Variants in KCNV1 observed in about 807,000 individuals in gnomAD.
The protein encoded by KCNV1 is potassium voltage-gated channel modifier subfamily V member 1.
A neutral mutation model predicts 36.4 loss-of-function variants in KCNV1; 2 were observed. That is an observed-to-expected ratio of 0.05 (90% CI 0.02 to 0.17). KCNV1 has a LOEUF of 0.17. Ranked by LOEUF, KCNV1 falls within the 10% of genes least tolerant of loss-of-function variation. The pLI, the probability that KCNV1 is intolerant of heterozygous loss-of-function variation, is 1.00. For synonymous variants in KCNV1, 280 were observed against 261.1 expected, an observed-to-expected ratio of 1.07 and a Z score of -0.70; for missense variants, 321 against 643.6, an observed-to-expected ratio of 0.50 and a Z score of 5.42.
Position 109,968,632 on chromosome 8 carries a change from A to G in KCNV1, c.992-33T>C, listed in dbSNP as rs1193386192. 1 of 1,551,050 alleles carries G rather than the reference A, an allele frequency of 6.4e-7. No individual in the cohort carries two copies. Among genetic ancestry groups the G allele is most frequent in the African/African-American group, 1.4e-5 (1 of 73,520 alleles). ...AGAACAAATGCTGTCAGTCATTGGC[A>G]TCCCTCTTCTCTCTCTTCCTTCCCT... On this transcript the variant is annotated intron_variant, in intron 3 of 3. Transcript: ENST00000524391. The surrounding 1 kb of genome is among the most constrained non-coding windows in gnomAD (Gnocchi z 5.3).
Position 109,968,709 on chromosome 8 carries a change from T to A in KCNV1, c.992-110A>T. On this transcript the variant is annotated intron_variant, in intron 3 of 3. Transcript: ENST00000524391. The surrounding 1 kb of genome is among the most constrained non-coding windows in gnomAD (Gnocchi z 5.3). Reference sequence around the variant, plus strand: ...CCACCCACAAACTGCACTGCACACTTAAATGTCCCCAGCACTGGGCAATGT... The same window carrying A: ...CCACCCACAAACTGCACTGCACACTAAAATGTCCCCAGCACTGGGCAATGT... 1.9e-6 allele frequency: 2 copies of A among 1,061,238 alleles called. No homozygotes were observed. The highest frequency in any genetic ancestry group is 2.7e-6 in the Non-Finnish European group (2 of 740,486). The allele number at this position is 1,061,238 out of a possible 1,614,324, so 65.7% of individuals were successfully genotyped here. A position where few individuals can be genotyped will look rare whatever the true frequency, so the allele number is the denominator to read the frequency against.
intron 2 of KCNV1, among the ~76,000 whole-genome samples, 154 bp downstream of exon 2, chr8:109,973,773 AC>A (rs1260539699): frequency 1.3e-5 from 1 of 75,708 alleles, no homozygotes; most frequent in Non-Finnish European, 2.8e-5. Flanking sequence ...CCAGTCCCCC[AC>A]CCCCACCCCA....
intron 3 of KCNV1, among the ~76,000 whole-genome samples, chr8:109,969,094 G>A (rs879835863): frequency 7.9e-5 from 12 of 152,108 alleles, no homozygotes; most frequent in Non-Finnish European, 1.6e-4. Flanking sequence ...TCCTTGTAAA[G>A]TTTAAGACAA....
rs909162430 is a variant in KCNV1 at position 109,966,633 on chromosome 8, C to T, written c.*1455G>A. The T allele has an allele frequency of 3.3e-5, 5 of 152,128 alleles. No individual in the cohort carries two copies. The highest frequency in any genetic ancestry group is 7.4e-5 in the Non-Finnish European group (5 of 68,010). The allele number at this position is 152,128 out of a possible 1,614,324, so 9.4% of individuals were successfully genotyped here. On this transcript the variant is annotated 3_prime_UTR_variant, in exon 4 of 4. Coordinates refer to ENST00000524391, the MANE Select transcript of KCNV1 (RefSeq NM_014379.4). ...TTAATGGCATCTTACAATTGACTGG[C>T]ATCTTTCTTTCTTGGTAGTGCATAG...
rs1283060673 is a variant in KCNV1 at position 109,972,660 on chromosome 8, A to C, written c.589T>G (p.Trp197Gly). The C allele has an allele frequency of 1.9e-6, 3 of 1,614,096 alleles. No homozygotes were observed. Among genetic ancestry groups the C allele is most frequent in the Non-Finnish European group, 2.5e-6 (3 of 1,180,054 alleles). ...GPCPTVRQKLWNILEKPGSST... is the reference protein window; with the variant it reads ...GPCPTVRQKLGNILEKPGSST... ...GATCCAGGTTTCTCCAGGATATTCC[A>C]GAGCTTCTGGCGAACAGTGGGACAA... The change falls in exon 3 of 4, where the codon TGG (tryptophan) becomes GGG (glycine). Residue 197 changes from tryptophan to glycine, a missense_variant. Physicochemically the swap from Trp to Gly is radical, Grantham distance 184. This residue lies in a region of KCNV1 where 141 missense variants were observed against 225.0 expected (regional missense o/e 0.63). Transcript: ENST00000524391. This position sits in a 1 kb window ranked among gnomAD's most constrained non-coding sequence, Gnocchi z 5.2.
chr8:109,964,659 C>A lies in KCNV1; in HGVS notation c.*3429G>T, dbSNP rs1034616321. On this transcript the variant is annotated 3_prime_UTR_variant, in exon 4 of 4. Coordinates refer to ENST00000524391, the MANE Select transcript of KCNV1 (RefSeq NM_014379.4). ...GTATACACCATGAAGTACTATCCAG[C>A]CATATGAAAGAATGAGATCATGTCA... The A allele has an allele frequency of 6.6e-5, 10 of 152,118 alleles. No homozygotes were observed. The highest frequency in any genetic ancestry group is 2.4e-4 in the African/African-American group (10 of 41,406). 9.4% of individuals were successfully genotyped at this position (152,118 alleles called of 1,614,324 possible). A position where few individuals can be genotyped will look rare whatever the true frequency, so the allele number is the denominator to read the frequency against.
chr8:109,969,608 A>T (rs1269374783), intron 3 of KCNV1, among the ~76,000 whole-genome samples: 1 of 152,212 alleles, frequency 6.6e-6, no homozygotes, highest in Admixed American at 6.5e-5. Context: ...GCACTTTGGG[A>T]GGCTGAGGCA....
In KCNV1 at chr8:109,968,245, T is replaced by G. The variant is rs1199381568; in HGVS notation, c.1346A>C (p.Glu449Ala). Residue 449 changes from glutamate to alanine, a missense_variant, in exon 4 of 4, where the codon GAA becomes GCA. By Grantham distance (107) the Glu-to-Ala change is moderately radical. Transcript: ENST00000524391. This position sits in a 1 kb window ranked among gnomAD's most constrained non-coding sequence, Gnocchi z 5.3. The part of the protein sequence containing the change: ...KLKEAAVRQR[E>A]ALKKLTKNIA... ...ATTCTTGGTAAGCTTCTTTAGGGCT[T>G]CACGCTGTCTAACAGCTGCTTCCTT... The G allele has an allele frequency of 6.2e-7, 1 of 1,614,180 alleles. No homozygotes were observed. Among genetic ancestry groups the G allele is most frequent in the Non-Finnish European group, 8.5e-7 (1 of 1,180,036 alleles).
At position 109,973,950 on chromosome 8, in the gene KCNV1, T is replaced by C; in HGVS notation, c.439A>G (p.Ile147Val). The C allele has an allele frequency of 6.2e-7, 1 of 1,611,126 alleles. No individual in the cohort carries two copies. ...IQYWGIDELS[I>V]DSCCRDRYFR... is the part of the protein sequence containing the mutation. ...TACCTGTCCCTGCAGCAGGAATCGA[T>C]GCTGAGCTCATCGATGCCCCAGTAC... The change falls in exon 2 of 4, where the codon ATC becomes GTC. Residue 147 changes from isoleucine to valine, a missense_variant. Transcript: ENST00000524391.
chr8:109,972,142 G>A lies in KCNV1; in HGVS notation c.991+116C>T. 2 of 1,066,482 alleles carry A rather than the reference G, an allele frequency of 1.9e-6. No individual in the cohort carries two copies. Among genetic ancestry groups the A allele is most frequent in the Non-Finnish European group, 2.7e-6 (2 of 753,370 alleles). The allele number at this position is 1,066,482 out of a possible 1,614,324, so 66.1% of individuals were successfully genotyped here. ...TCCTTAGAGGTCATGATCAGGTAAAGTATGGGAGTTGGTAATTTTGAATAT... is the reference window on the plus strand; with the variant it reads ...TCCTTAGAGGTCATGATCAGGTAAAATATGGGAGTTGGTAATTTTGAATAT... On this transcript the variant is annotated intron_variant, in intron 3 of 3. Coordinates refer to ENST00000524391, the MANE Select transcript of KCNV1 (RefSeq NM_014379.4). This position sits in a 1 kb window ranked among gnomAD's most constrained non-coding sequence, Gnocchi z 5.2.
intron 3 of KCNV1, among the ~76,000 whole-genome samples, chr8:109,970,095 T>A (rs1563834864): frequency 6.6e-6 from 1 of 152,206 alleles, no homozygotes; most frequent in Non-Finnish European, 1.5e-5. Context: ...CTAATCATAC[T>A]CTTAGGATTT....
At chr8:109,969,269 C>A (rs905286815) in intron 3 of KCNV1, among the ~76,000 whole-genome samples, 2 of 152,134 alleles carry the variant, frequency 1.3e-5, no homozygotes, top group South Asian at 4.1e-4. Flanking sequence ...GAGGTCTGAA[C>A]TCCCAAGACA....
At position 109,974,107 on chromosome 8, in the gene KCNV1, G is replaced by A. The variant is rs1453480881; in HGVS notation, c.282C>T (p.Ala94=). The A allele has an allele frequency of 6.2e-7, 1 of 1,612,828 alleles. No homozygotes were observed. Among genetic ancestry groups the A allele is most frequent in the African/African-American group, 1.3e-5 (1 of 74,940 alleles). The change falls in exon 2 of 4, where the codon GCC becomes GCT. Residue 94 remains alanine (A), a synonymous_variant. Transcript: ENST00000524391. This position sits in a 1 kb window ranked among gnomAD's most constrained non-coding sequence, Gnocchi z 6.2. ...VPSPLELCDD[A]NPVDNEYFFD... ...AGAAGTACTCGTTGTCCACGGGGTTGGCATCGTCGCAAAGCTCCAGAGGGC... is the reference window on the plus strand; with the variant it reads ...AGAAGTACTCGTTGTCCACGGGGTTAGCATCGTCGCAAAGCTCCAGAGGGC...
chr8:109,973,579 G>A (rs1239132784), intron 2 of KCNV1, among the ~76,000 whole-genome samples: 1 of 152,126 alleles, frequency 6.6e-6, no homozygotes, highest in Non-Finnish European at 1.5e-5. Context: ...TGATAATGCT[G>A]CGTGCCAAAT....
chr8:109,971,044 C>T (rs1308498682), intron 3 of KCNV1, among the ~76,000 whole-genome samples: 1 of 152,184 alleles, frequency 6.6e-6, no homozygotes, highest in African/African-American at 2.4e-5. Flanking sequence ...GAAGTAATTT[C>T]ACCTGACATT....
rs903649555 is a variant in KCNV1, at chr8:109,972,007, T to A, written c.991+251A>T. On this transcript the variant is annotated intron_variant, in intron 3 of 3. Transcript: ENST00000524391. The surrounding 1 kb of genome is among the most constrained non-coding windows in gnomAD (Gnocchi z 5.2). ...GTAATGGTTTCAAATAAACTGAGGT[T>A]AGCAAATGGTCAAATTGTCTCTCAA... Among the ~76,000 whole-genome samples, 2 of 152,204 alleles carry A rather than the reference T, an allele frequency of 1.3e-5. No homozygotes were observed. The highest frequency in any genetic ancestry group is 2.9e-5 in the Non-Finnish European group (2 of 68,032).
rs1414058472 is a variant in KCNV1 at position 109,966,583 on chromosome 8, T to A, written c.*1505A>T. 6.6e-6 allele frequency: 1 copy of A among 152,240 alleles called. No individual in the cohort carries two copies. The highest frequency in any genetic ancestry group is 1.5e-5 in the Non-Finnish European group (1 of 68,050). 9.4% of individuals were successfully genotyped at this position (152,240 alleles called of 1,614,324 possible). Reference sequence around the variant, plus strand: ...GGTGCTTATTTTAAATTTTTACATATCTGAAATCCGGATGCATTTTACAGT... The same window carrying A: ...GGTGCTTATTTTAAATTTTTACATAACTGAAATCCGGATGCATTTTACAGT... On this transcript the variant is annotated 3_prime_UTR_variant, in exon 4 of 4. Coordinates refer to ENST00000524391, the MANE Select transcript of KCNV1 (RefSeq NM_014379.4).
intron 3 of KCNV1, among the ~76,000 whole-genome samples, chr8:109,971,762 C>G (rs1223396132): frequency 6.6e-6 from 1 of 152,020 alleles, no homozygotes; most frequent in Non-Finnish European, 1.5e-5. Context: ...TGCACCTAGT[C>G]ATTTCTCTTT....
chr8:109,969,986 G>A (rs1472988560), intron 3 of KCNV1, among the ~76,000 whole-genome samples: 1 of 152,082 alleles, frequency 6.6e-6, no homozygotes, highest in Non-Finnish European at 1.5e-5. Flanking sequence ...TCAACATGAT[G>A]TCAAAATGAT....
Sources: gnomAD v4.1 joint callset for allele counts (sites outside exome capture counted in the v4.1 genomes callset) on GRCh38, gnomAD v4.1.1 for gene constraint, gnomAD v4.1.1 regional missense constraint, Gnocchi (gnomAD v3.1) non-coding constraint, MANE v1.5 for transcripts, NCBI Gene and HGNC (gene_info 2026-07-23, HGNC 2026-07-21) for gene names.